MAPK14: variants seen among roughly 807,000 people sequenced by gnomAD.
MAPK14 encodes mitogen-activated protein kinase 14.
A neutral mutation model predicts 49.6 loss-of-function variants in MAPK14; 16 were observed. That is an observed-to-expected ratio of 0.32 (90% CI 0.22 to 0.49). The LOEUF (loss-of-function observed/expected upper bound fraction) is 0.49, where lower values mean the gene tolerates loss of function less well. MAPK14 is among the 20% of genes least tolerant of loss of function. MAPK14 has a pLI of 0.99. For missense variants in MAPK14, 200 were observed against 441.2 expected, an observed-to-expected ratio of 0.45 and a Z score of 4.90; for synonymous variants, 142 against 158.0, an observed-to-expected ratio of 0.90 and a Z score of 0.76.
intron 8 of MAPK14, chr6:36,092,533 T>C (rs1765278312): frequency 1.9e-6 from 1 of 514,588 alleles, no homozygotes; most frequent in East Asian, 5.0e-5. Flanking sequence ...GTTTTACCAA[T>C]AGGAGCCATG....
chr6:36,069,361 T>A (rs1764181176), intron 3 of MAPK14, among the ~76,000 whole-genome samples: 1 of 152,190 alleles, frequency 6.6e-6, no homozygotes, highest in Non-Finnish European at 1.5e-5. Context: ...TTTTGTCCCC[T>A]GTTGTAAGAC....
At chr6:36,064,423 C>G (rs1404835095) in intron 3 of MAPK14, among the ~76,000 whole-genome samples, 2 of 152,106 alleles carry the variant, frequency 1.3e-5, no homozygotes, top group African/African-American at 4.8e-5. Context: ...GATACTTTTT[C>G]CTTTATTTTA....
intron 6 of MAPK14, among the ~76,000 whole-genome samples, chr6:36,075,235 A>AG (rs1764480936): frequency 6.6e-6 from 1 of 151,296 alleles, no homozygotes; most frequent in Admixed American, 6.6e-5. Context: ...CAAAAAAAAA[A>AG]AAAAAAAAAA....
intron 3 of MAPK14, among the ~76,000 whole-genome samples, chr6:36,069,734 A>G (rs748182690): frequency 6.6e-6 from 1 of 152,036 alleles, no homozygotes; most frequent in African/African-American, 2.4e-5. Flanking sequence ...CTCTGTTGCC[A>G]TGCAGTCAGT....
chr6:36,054,527 T>TAAC (rs1031365435), intron 2 of MAPK14, among the ~76,000 whole-genome samples: 12 of 152,238 alleles, frequency 7.9e-5, no homozygotes, highest in African/African-American at 2.7e-4. Flanking sequence ...GTTTAAGTTC[T>TAAC]AACAGTTGGT....
At chr6:36,052,212 A>AG (rs144354259) in intron 1 of MAPK14, among the ~76,000 whole-genome samples, 7,080 of 152,252 alleles carry the variant, frequency 0.047, 406 homozygotes, top group African/African-American at 0.13. Context: ...GACTCTGAGC[A>AG]GGCAGCAGAT....
intron 1 of MAPK14, among the ~76,000 whole-genome samples, chr6:36,042,487 T>C (rs1763000836): frequency 6.9e-6 from 1 of 144,516 alleles, no homozygotes; most frequent in African/African-American, 2.8e-5. Context: ...TTTTTTTTTT[T>C]TTTTTTTTTT....
chr6:36,051,819 CAAAT>C (rs535452178), intron 1 of MAPK14, among the ~76,000 whole-genome samples: 79 of 152,212 alleles, frequency 5.2e-4, no homozygotes, highest in African/African-American at 1.6e-3. Context: ...TGAATTGAGA[CAAAT>C]AAATGTAAAG....
At chr6:36,106,426 G>A (rs947578817) in intron 10 of MAPK14, among the ~76,000 whole-genome samples, 1 of 152,172 alleles carries the variant, frequency 6.6e-6, no homozygotes, top group African/African-American at 2.4e-5. Flanking sequence ...GTCAGTTGCA[G>A]TGCATGGCCC....
At chr6:36,122,941 G>T in the MAPK14 span, among the ~76,000 whole-genome samples, 1 of 152,152 alleles carries the variant, frequency 6.6e-6, no homozygotes, top group East Asian at 1.9e-4. Context: ...CAAGAATGTG[G>T]ACGTCACAAA....
chr6:36,086,339 C>T (rs895760289), intron 8 of MAPK14, among the ~76,000 whole-genome samples: 1 of 152,024 alleles, frequency 6.6e-6, no homozygotes, highest in Non-Finnish European at 1.5e-5. Context: ...ACAGGAAAAA[C>T]CCTTCCAAAA....
At chr6:36,122,142 T>G in the MAPK14 span, among the ~76,000 whole-genome samples, 1 of 152,250 alleles carries the variant, frequency 6.6e-6, no homozygotes, top group Non-Finnish European at 1.5e-5. Flanking sequence ...TGTTTGGGGT[T>G]ATTTGCCCCT....
the MAPK14 span, among the ~76,000 whole-genome samples, chr6:36,123,817 T>C: frequency 2.0e-5 from 3 of 152,102 alleles, no homozygotes; most frequent in Non-Finnish European, 4.4e-5. Flanking sequence ...CAGCCACATC[T>C]TTGTAGGGTG....
At chr6:36,111,770 C>T (rs1765977299), downstream of MAPK14, among the ~76,000 whole-genome samples, 1 of 152,042 alleles carries the variant, frequency 6.6e-6, no homozygotes, top group African/African-American at 2.4e-5. Context: ...GGGTTTTTGT[C>T]CAGGCCCTGG....
intron 1 of MAPK14, among the ~76,000 whole-genome samples, chr6:36,035,862 A>G (rs1265666069): frequency 6.6e-6 from 1 of 152,174 alleles, no homozygotes. Context: ...GCTGCAAAAG[A>G]TAAGTTTGAA....
At chr6:36,093,683 C>A (rs1581835937) in intron 8 of MAPK14, among the ~76,000 whole-genome samples, 4 of 140,732 alleles carry the variant, frequency 2.8e-5, no homozygotes, top group African/African-American at 1.1e-4. Context: ...CGCGCCACTG[C>A]ACCCCAGCCT....
intron 1 of MAPK14, among the ~76,000 whole-genome samples, chr6:36,039,930 A>G (rs1454578637): frequency 1.3e-5 from 2 of 148,748 alleles, no homozygotes; most frequent in Non-Finnish European, 3.0e-5. Context: ...CGGGAGGCGG[A>G]GGTTGCAGTG....
At chr6:36,031,416 T>C (rs1762538972) in intron 1 of MAPK14, among the ~76,000 whole-genome samples, 1 of 152,176 alleles carries the variant, frequency 6.6e-6, no homozygotes, top group Admixed American at 6.5e-5. Context: ...CTTCTTCTTT[T>C]TTATTTTGAG....
chr6:36,118,227 C>G, the MAPK14 span, among the ~76,000 whole-genome samples: 1 of 152,176 alleles, frequency 6.6e-6, no homozygotes, highest in Non-Finnish European at 1.5e-5. Flanking sequence ...ATGAAAATAG[C>G]AAGGCAAAAG....
Sources: gnomAD v4.1 joint callset for allele counts (sites outside exome capture counted in the v4.1 genomes callset) on GRCh38, gnomAD v4.1.1 for gene constraint, MANE v1.5 for transcripts, NCBI Gene and HGNC (gene_info 2026-07-23, HGNC 2026-07-21) for gene names.